DHX36: variants seen among roughly 807,000 people sequenced by gnomAD.
DHX36 encodes the protein DEAH-box helicase 36, also known as ATP-dependent DNA/RNA helicase DHX36.
Under a neutral mutation model 139.0 loss-of-function variants are expected in DHX36, and 50 were observed. The ratio of observed to expected loss-of-function variants is 0.36; its 90% CI spans 0.29 to 0.46. The LOEUF (loss-of-function observed/expected upper bound fraction) is 0.46, where lower values mean the gene tolerates loss of function less well. Among genes scored for constraint, DHX36 ranks in the 20% least tolerant of loss-of-function variants. The pLI is 1.00. For synonymous variants in DHX36, 425 were observed against 401.9 expected (o/e 1.06, Z -0.69); for missense variants, 1,024 against 1,211.3 (o/e 0.85, Z 2.29).
chr3:154,310,650 T>G (rs1712695643), intron 4 of DHX36, among the ~76,000 whole-genome samples: 1 of 149,494 alleles, frequency 6.7e-6, no homozygotes, highest in African/African-American at 2.5e-5. Context: ...GCGTGGTGGG[T>G]GCCTGTAACC....
Position 154,309,536 on chromosome 3 carries a change from T to C in DHX36, c.813+117A>G, listed in dbSNP as rs78348557. The C allele has an allele frequency of 3.7e-3, 3,158 of 850,096 alleles. 64 individuals carry two copies. The African/African-American group carries it at 0.048, about 13-fold the overall frequency. The allele number at this position is 850,096 out of a possible 1,614,324, so 52.7% of individuals were successfully genotyped here. A position where few individuals can be genotyped will look rare whatever the true frequency, so the allele number is the denominator to read the frequency against. On this transcript the variant is annotated intron_variant, in intron 5 of 24. Coordinates refer to ENST00000496811, the MANE Select transcript of DHX36 (RefSeq NM_020865.3). Reference sequence around the variant, plus strand: ...TTAAACATGTTAAGCAACTATTTGCTTTCATAGTCACCAATCCTAAGCCTA... The same window carrying C: ...TTAAACATGTTAAGCAACTATTTGCCTTCATAGTCACCAATCCTAAGCCTA...
chr3:154,299,482 G>A (rs1285058315), intron 12 of DHX36, among the ~76,000 whole-genome samples: 2 of 152,076 alleles, frequency 1.3e-5, no homozygotes, highest in Non-Finnish European at 2.9e-5. Flanking sequence ...AGATGTTCAG[G>A]TCGCATTCTT....
chr3:154,300,598 T>C lies in DHX36; in HGVS notation c.1457A>G (p.Glu486Gly). 6.2e-7 allele frequency: 1 copy of C among 1,610,814 alleles called. No homozygotes were observed. Among genetic ancestry groups the C allele is most frequent in the South Asian group, 1.1e-5 (1 of 90,436 alleles). ...AGAAAGAAAAATAAAACTAACCTCTTCTTCCAAAACAATGTATCGGATGAG... is the reference window on the plus strand; with the variant it reads ...AGAAAGAAAAATAAAACTAACCTCTCCTTCCAAAACAATGTATCGGATGAG... ...VALIRYIVLE[E>G]EDGAILVFLP... is the part of the protein sequence containing the mutation. Residue 486 changes from glutamate (E) to glycine (G), a missense_variant, in exon 11 of 25, where the codon GAA (glutamate) becomes GGA (glycine). Physicochemically the swap from Glu to Gly is moderately conservative, Grantham distance 98. Around this residue, in one of 4 missense-constraint regions of DHX36, gnomAD observed 115 missense variants for 105.6 expected, o/e 1.09. Transcript: ENST00000496811.
At chr3:154,311,797 G>T in intron 3 of DHX36, 123 bp from the exon 4 acceptor site, 1 of 646,474 alleles carries the variant, frequency 1.5e-6, no homozygotes, top group Non-Finnish European at 2.5e-6. Flanking sequence ...TTATCTCATG[G>T]CTTGTGTAAA....
chr3:154,287,173 C>T (rs376088596), intron 17 of DHX36, among the ~76,000 whole-genome samples: 4 of 152,312 alleles, frequency 2.6e-5, no homozygotes, highest in South Asian at 2.1e-4. Flanking sequence ...AAATGGTGCT[C>T]AGTCAATGCT....
intron 1 of DHX36, among the ~76,000 whole-genome samples, chr3:154,322,068 C>T (rs1713208842): frequency 1.3e-5 from 2 of 152,030 alleles, no homozygotes; most frequent in African/African-American, 4.8e-5. Flanking sequence ...TTGAAAAATA[C>T]TCCTATTTAA....
Position 154,316,076 on chromosome 3 carries a change from C to T in DHX36, c.331G>A (p.Glu111Lys). ...SVQAKNDKESEAQISWFAPED... is the reference protein window; with the variant it reads ...SVQAKNDKESKAQISWFAPED... ...GGAGCAAACCAGGATATCTGTGCTT[C>T]TGACTCTTTATCATTCTTCGCTTGA... The change falls in exon 2 of 25, where the codon GAA becomes AAA. Residue 111 changes from glutamate to lysine, a missense_variant. Glu to Lys is a moderately conservative substitution (Grantham distance 56, BLOSUM62 1). Transcript: ENST00000496811. 1 of 1,613,306 alleles carries T rather than the reference C, an allele frequency of 6.2e-7. No homozygotes were observed. The highest frequency in any genetic ancestry group is 8.5e-7 in the Non-Finnish European group (1 of 1,179,562).
At position 154,273,485 on chromosome 3, in the gene DHX36, TG is replaced by T. The variant is rs949988214; in HGVS notation, c.*2685del. ...TCCAAGACCATTTTGGCCAACTGACTGGATTTAAACTGGATAATAAAAGTAA... is the reference window on the plus strand; with the variant it reads ...TCCAAGACCATTTTGGCCAACTGACTGATTTAAACTGGATAATAAAAGTAA... On this transcript the variant is annotated 3_prime_UTR_variant, in exon 25 of 25. Transcript: ENST00000496811. The T allele has an allele frequency of 1.3e-5, 2 of 152,032 alleles. No homozygotes were observed. The highest frequency in any genetic ancestry group is 2.9e-5 in the Non-Finnish European group (2 of 68,004). The allele number at this position is 152,032 out of a possible 1,614,324, so 9.4% of individuals were successfully genotyped here. A position where few individuals can be genotyped will look rare whatever the true frequency, so the allele number is the denominator to read the frequency against.
At chr3:154,316,693 G>T (rs934235858) in intron 1 of DHX36, among the ~76,000 whole-genome samples, 4 of 151,756 alleles carry the variant, frequency 2.6e-5, no homozygotes, top group African/African-American at 9.7e-5. Context: ...AAATGACGCA[G>T]TTGCTTCAAA....
intron 4 of DHX36, 36 bp downstream of exon 4, chr3:154,311,600 G>T: frequency 6.4e-7 from 1 of 1,561,982 alleles, no homozygotes; most frequent in Non-Finnish European, 8.7e-7. Flanking sequence ...TATTTAATTT[G>T]CAAATCAAAT....
intron 8 of DHX36, among the ~76,000 whole-genome samples, chr3:154,304,061 C>G (rs1712407173): frequency 6.6e-6 from 1 of 152,146 alleles, no homozygotes; most frequent in Non-Finnish European, 1.5e-5. Context: ...TTCTAGAAGT[C>G]TCATTTAAAA....
chr3:154,305,068 T>C (rs1416035988), intron 7 of DHX36, 26 bp downstream of exon 7: 2 of 1,607,176 alleles, frequency 1.2e-6, no homozygotes, highest in South Asian at 2.2e-5. Flanking sequence ...ATAACACTTA[T>C]ATTTCCTTAA....
rs1332160061 is a variant in DHX36 at position 154,276,127 on chromosome 3, G to C, written c.*44C>G. ...CAGCCAAAATTTAAACAATGATGAA[G>C]AATGGCTGTCAAACTGGCTTTTCAG... On this transcript the variant is annotated 3_prime_UTR_variant, in exon 25 of 25. Coordinates refer to ENST00000496811, the MANE Select transcript of DHX36 (RefSeq NM_020865.3). 6.4e-7 allele frequency: 1 copy of C among 1,571,580 alleles called. No homozygotes were observed. The highest frequency in any genetic ancestry group is 1.4e-5 in the African/African-American group (1 of 72,880).
intron 5 of DHX36, 124 bp from the exon 6 acceptor site, chr3:154,306,419 G>T (rs1014984078): frequency 1.3e-6 from 1 of 745,226 alleles, no homozygotes; most frequent in Non-Finnish European, 2.2e-6. Context: ...TAAAAAAATA[G>T]ATATTAAAAT....
At chr3:154,324,069 A>G in intron 1 of DHX36, 105 bp downstream of exon 1, 10 of 1,291,890 alleles carry the variant, frequency 7.7e-6, no homozygotes, top group Non-Finnish European at 1.1e-5. Flanking sequence ...ACATTTCACA[A>G]AACACGTGCA....
chr3:154,297,106 A>G (rs1197544618), intron 12 of DHX36, among the ~76,000 whole-genome samples: 1 of 152,210 alleles, frequency 6.6e-6, no homozygotes, highest in East Asian at 1.9e-4. Context: ...TTACATTACC[A>G]TGAGGAAAAG....
At chr3:154,278,802 A>G (rs1017073009) in intron 22 of DHX36, 1 of 152,196 alleles carries the variant, frequency 6.6e-6, no homozygotes, top group African/African-American at 2.4e-5. Context: ...CTAAGAATTC[A>G]TAAGACTTGT....
chr3:154,300,819 A>G, intron 10 of DHX36, 123 bp from the exon 11 acceptor site: 2 of 1,249,076 alleles, frequency 1.6e-6, no homozygotes, highest in South Asian at 2.6e-5. Flanking sequence ...GGAGAGAATT[A>G]CTGGGGTAAT....
At chr3:154,303,685 CT>C (rs1712387060) in intron 8 of DHX36, among the ~76,000 whole-genome samples, 1 of 152,152 alleles carries the variant, frequency 6.6e-6, no homozygotes, top group South Asian at 2.1e-4. Context: ...TTAAGTTGAA[CT>C]CAAAATCCAT....
Sources: gnomAD v4.1 joint callset for allele counts (sites outside exome capture counted in the v4.1 genomes callset) on GRCh38, gnomAD v4.1.1 for gene constraint, gnomAD v4.1.1 regional missense constraint, MANE v1.5 for transcripts, NCBI Gene and HGNC (gene_info 2026-07-23, HGNC 2026-07-21) for gene names.